Variants in LIPA observed in about 807,000 individuals in gnomAD.
LIPA encodes the protein lysosomal acid lipase/cholesteryl ester hydrolase.
LIPA carries 26 observed loss-of-function variants against 40.6 expected under a neutral mutation model. The observed-to-expected ratio is 0.64, with a 90% CI of 0.47 to 0.89. The LOEUF (loss-of-function observed/expected upper bound fraction) is 0.89. Ranked by LOEUF, LIPA falls within the 40% of genes least tolerant of loss-of-function variation. The pLI is 0.00. For missense variants in LIPA, 455 were observed against 479.6 expected (o/e 0.95, Z 0.48); for synonymous variants, 188 against 168.4 (o/e 1.12, Z -0.90).
At chr10:89,284,207 C>G (rs1439510765) in intron 1 of LIPA, 1 of 152,192 alleles carries the variant, frequency 6.6e-6, no homozygotes, top group African/African-American at 2.4e-5. Flanking sequence ...TCCTTGCAGG[C>G]ACATTTTCAT....
At position 89,247,846 on chromosome 10, in the gene LIPA, T is replaced by TTTTA. The variant is rs3063809; in HGVS notation, c.-1-201_-1-198dup. The stretch of plus-strand genomic sequence containing the variant: ...TTTAAATTTTATTTATTTATTTTTA[T>TTTTA]TTTATTTATTTATTTATTTATTTAT... On this transcript the variant is annotated intron_variant, in intron 1 of 9. Coordinates refer to ENST00000336233, the MANE Select transcript of LIPA (RefSeq NM_000235.4). 0.059 allele frequency: 9,739 copies of TTTTA among 164,186 alleles called. 493 individuals are homozygous for TTTTA. The highest frequency in any genetic ancestry group is 0.13 in the African/African-American group (5,235 of 38,934). 10.2% of individuals were successfully genotyped at this position (164,186 alleles called of 1,614,324 possible).
In LIPA at chr10:89,245,424, C is replaced by T. The variant is rs551513227; in HGVS notation, c.229+252G>A. Among the ~76,000 whole-genome samples, 150 of 152,130 alleles carry T rather than the reference C, an allele frequency of 9.9e-4. 1 individual carries two copies. The highest frequency in any genetic ancestry group is 6.8e-3 in the Middle Eastern group (2 of 294). ...CAAAACATTTCATTAAATACACTTC[C>T]TTAAAAAAACAAAGCCTCAGAGATT... On this transcript the variant is annotated intron_variant, in intron 3 of 9. Coordinates refer to ENST00000336233, the MANE Select transcript of LIPA (RefSeq NM_000235.4).
intron 2 of LIPA, among the ~76,000 whole-genome samples, chr10:89,376,799 AT>A (rs1844125321): frequency 6.6e-6 from 1 of 152,178 alleles, no homozygotes; most frequent in Non-Finnish European, 1.5e-5. Flanking sequence ...TTATAGAATC[AT>A]TTCTGCTTCC....
At chr10:89,272,079 A>AG (rs1843268579) in intron 1 of LIPA, among the ~76,000 whole-genome samples, 1 of 152,040 alleles carries the variant, frequency 6.6e-6, no homozygotes, top group Non-Finnish European at 1.5e-5. Flanking sequence ...TTAAAAAAAA[A>AG]AAATTTAAAA....
At chr10:89,412,651 G>A (rs1056899043) in intron 2 of LIPA, 20 of 343,964 alleles carry the variant, frequency 5.8e-5, no homozygotes, top group South Asian at 1.1e-4. Context: ...AAAGGTCTAC[G>A]GCTTTACTCC....
At position 89,245,709 on chromosome 10, in the gene LIPA, T is replaced by C. The variant is rs1843014547; in HGVS notation, c.196A>G (p.Ile66Val). Reference protein sequence around the residue: ...EDGYILCLNRIPHGRKNHSDK... With the variant: ...EDGYILCLNRVPHGRKNHSDK... ...GAATGGTTCTTCCTCCCATGAGGAA[T>C]TCGGTTAAGGCACAGAATATATCCA... The change falls in exon 3 of 10, where the codon ATT becomes GTT. Residue 66 changes from isoleucine (I) to valine (V), a missense_variant. By Grantham distance (29) the Ile-to-Val change is conservative. Coordinates refer to ENST00000336233, the MANE Select transcript of LIPA (RefSeq NM_000235.4). 1 of 1,600,790 alleles carries C rather than the reference T, an allele frequency of 6.2e-7. No individual in the cohort carries two copies. Among genetic ancestry groups the C allele is most frequent in the Admixed American group, 1.7e-5 (1 of 59,988 alleles).
At chr10:89,219,224 A>T (rs1464927953) in intron 8 of LIPA, among the ~76,000 whole-genome samples, 1 of 152,092 alleles carries the variant, frequency 6.6e-6, no homozygotes, top group Non-Finnish European at 1.5e-5. Flanking sequence ...TCAAACATAG[A>T]TCCCAGGGTC....
At chr10:89,278,871 A>G (rs1042668249) in intron 1 of LIPA, among the ~76,000 whole-genome samples, 1 of 151,478 alleles carries the variant, frequency 6.6e-6, no homozygotes, top group Non-Finnish European at 1.5e-5. Flanking sequence ...AGTATAATTA[A>G]AAGAATGTAC....
At chr10:89,387,288 A>G (rs1342605129) in intron 2 of LIPA, among the ~76,000 whole-genome samples, 2 of 147,888 alleles carry the variant, frequency 1.4e-5, no homozygotes, top group Non-Finnish European at 3.0e-5. Flanking sequence ...ACTGTACTCC[A>G]GTCTGGGTGA....
chr10:89,348,892 A>G (rs1251340589), intron 2 of LIPA, among the ~76,000 whole-genome samples: 1 of 152,136 alleles, frequency 6.6e-6, no homozygotes, highest in Non-Finnish European at 1.5e-5. Context: ...AAACTTTCAA[A>G]ATTGGCTAAC....
rs1554869398 is a variant in LIPA, at chr10:89,247,846, T to TTTTATTTTATTTATTTATTTA, written c.-1-198_-1-197insTAAATAAATAAATAAAATAAA. 1.8e-3 allele frequency: 288 copies of TTTTATTTTATTTATTTATTTA among 164,328 alleles called. 1 individual carries two copies. Among genetic ancestry groups the TTTTATTTTATTTATTTATTTA allele is most frequent in the African/African-American group, 6.7e-3 (260 of 38,994 alleles). The allele number at this position is 164,328 out of a possible 1,614,324, so 10.2% of individuals were successfully genotyped here. On this transcript the variant is annotated intron_variant, in intron 1 of 9. Coordinates refer to ENST00000336233, the MANE Select transcript of LIPA (RefSeq NM_000235.4). ...TTTAAATTTTATTTATTTATTTTTA[T>TTTTATTTTATTTATTTATTTA]TTTATTTATTTATTTATTTATTTAT...
chr10:89,254,495 A>G (rs547536827), upstream of LIPA, among the ~76,000 whole-genome samples: 12 of 152,270 alleles, frequency 7.9e-5, no homozygotes, highest in East Asian at 1.7e-3. Context: ...CCAGCCCACA[A>G]AAGTATTTTT....
intron 2 of LIPA, among the ~76,000 whole-genome samples, chr10:89,396,331 G>T (rs986250671): frequency 3.9e-5 from 6 of 152,134 alleles, no homozygotes; most frequent in African/African-American, 9.7e-5. Context: ...AAGAAAAAAG[G>T]TTTATTTAGC....
chr10:89,353,426 C>G (rs934971669), intron 2 of LIPA, among the ~76,000 whole-genome samples: 1 of 152,122 alleles, frequency 6.6e-6, no homozygotes, highest in Non-Finnish European at 1.5e-5. Flanking sequence ...CTGGCAGATC[C>G]CTGCACATGT....
rs994916389 is a variant in LIPA, at chr10:89,352,848, C to T, written c.61+59943G>A. 5.3e-5 allele frequency among the ~76,000 whole-genome samples: 8 copies of T among 150,410 alleles called. No homozygotes were observed. The South Asian group carries it at 6.3e-4, about 12-fold the overall frequency. ...TTCACAATTTGTCCATAAGGAAATT[C>T]CTTGTGGGCCTCAATATCTTTACCC... On this transcript the variant is annotated intron_variant, in intron 2 of 8. Coordinates refer to the LIPA transcript ENST00000371837.
At chr10:89,217,084 T>C (rs944707743) in intron 8 of LIPA, among the ~76,000 whole-genome samples, 3 of 152,214 alleles carry the variant, frequency 2.0e-5, no homozygotes, top group Non-Finnish European at 4.4e-5. Flanking sequence ...TCCTCTACAC[T>C]CTCAAATTAA....
chr10:89,285,744 A>AC (rs1189164983), intron 1 of LIPA, among the ~76,000 whole-genome samples: 1 of 143,530 alleles, frequency 7.0e-6, no homozygotes, highest in African/African-American at 2.6e-5. Context: ...GGGGGCAAGC[A>AC]CCCCCCACTC....
At chr10:89,330,510 G>T (rs1257603590) in intron 1 of LIPA, among the ~76,000 whole-genome samples, 3 of 152,190 alleles carry the variant, frequency 2.0e-5, no homozygotes, top group African/African-American at 7.2e-5. Context: ...AGCCTTTGAT[G>T]GTTACCCATG....
intron 2 of LIPA, chr10:89,403,887 T>C (rs577927962): frequency 3.8e-6 from 2 of 529,668 alleles, no homozygotes; most frequent in East Asian, 6.1e-5. Flanking sequence ...ACAGAATGTG[T>C]GTATGCATGT....
Sources: gnomAD v4.1 joint callset for allele counts (sites outside exome capture counted in the v4.1 genomes callset) on GRCh38, gnomAD v4.1.1 for gene constraint, MANE v1.5 for transcripts, NCBI Gene and HGNC (gene_info 2026-07-23, HGNC 2026-07-21) for gene names.